Variants in KIF6 observed in about 807,000 individuals in gnomAD.
KIF6 encodes the protein kinesin-like protein KIF6.
In KIF6, 106 loss-of-function variants were observed where a neutral mutation model predicts 112.7. The observed-to-expected ratio is 0.94, with a 90% CI of 0.80 to 1.11. KIF6 has a LOEUF of 1.11. Ranked by LOEUF, KIF6 falls within the 50% of genes least tolerant of loss-of-function variation. The probability of loss-of-function intolerance (pLI) is 0.00; values close to 1 mark genes in which losing one functional copy is unlikely to be tolerated. For synonymous variants in KIF6, 339 were observed against 339.9 expected, an observed-to-expected ratio of 1.00 and a Z score of 0.03; for missense variants, 929 against 964.0, an observed-to-expected ratio of 0.96 and a Z score of 0.48.
At chr6:39,643,270 G>A (rs1035535651) in intron 3 of KIF6, among the ~76,000 whole-genome samples, 3 of 152,056 alleles carry the variant, frequency 2.0e-5, no homozygotes, top group South Asian at 2.1e-4. Flanking sequence ...ACATTTGTGC[G>A]ATTTCTATCA....
chr6:39,705,046 A>G (rs1789117041), intron 3 of KIF6, among the ~76,000 whole-genome samples: 1 of 152,200 alleles, frequency 6.6e-6, no homozygotes, highest in Non-Finnish European at 1.5e-5. Context: ...CAATTTCGGA[A>G]TTGTAAAGTC....
At chr6:39,532,575 T>C (rs1165400149) in intron 13 of KIF6, among the ~76,000 whole-genome samples, 2 of 152,220 alleles carry the variant, frequency 1.3e-5, no homozygotes, top group African/African-American at 4.8e-5. Context: ...TCCTGGGATT[T>C]TGAGTTCATT....
chr6:39,374,833 T>G (rs1200631979), intron 16 of KIF6, among the ~76,000 whole-genome samples: 1 of 152,136 alleles, frequency 6.6e-6, no homozygotes, highest in African/African-American at 2.4e-5. Flanking sequence ...AATACTAAAA[T>G]AGAACCACCA....
At chr6:39,620,337 T>C (rs911529314) in intron 5 of KIF6, 3 of 152,192 alleles carry the variant, frequency 2.0e-5, no homozygotes, top group South Asian at 2.1e-4. Flanking sequence ...TCAGATTTTA[T>C]AGTGATAGTA....
chr6:39,469,751 C>T (rs1284584015), intron 13 of KIF6, among the ~76,000 whole-genome samples: 1 of 152,088 alleles, frequency 6.6e-6, no homozygotes, highest in African/African-American at 2.4e-5. Context: ...ATCAATCCAT[C>T]AGAAAGACAC....
rs745590451 is a variant in KIF6, at chr6:39,613,297, A to T, written c.531T>A (p.Asp177Glu). Reference protein sequence around the residue: ...EDLPKVTILEDPDQNIHLKNL... With the variant: ...EDLPKVTILEEPDQNIHLKNL... The stretch of plus-strand genomic sequence containing the variant: ...TTTTCAGGTGAATGTTCTGATCAGG[A>T]TCCTCCAGTATTGTCACTTTCCTAA... Residue 177 changes from aspartate (D) to glutamate (E), a missense_variant, in exon 6 of 23, where the codon GAT (aspartate) becomes GAA (glutamate). By Grantham distance (45) the Asp-to-Glu change is conservative. This residue lies in a region of KIF6 where 688 missense variants were observed against 662.7 expected (regional missense o/e 1.04). Coordinates refer to ENST00000287152, the MANE Select transcript of KIF6 (RefSeq NM_145027.6). 1.3e-6 allele frequency: 2 copies of T among 1,594,820 alleles called. No individual in the cohort carries two copies. The highest frequency in any genetic ancestry group is 1.7e-6 in the Non-Finnish European group (2 of 1,172,010).
chr6:39,661,019 T>C (rs1025742688), intron 3 of KIF6, among the ~76,000 whole-genome samples: 7 of 152,192 alleles, frequency 4.6e-5, no homozygotes, highest in African/African-American at 1.7e-4. Flanking sequence ...AAAATCCAAA[T>C]TGGTCTTACT....
chr6:39,558,298 CAT>C (rs140261238), intron 10 of KIF6, among the ~76,000 whole-genome samples: 1,668 of 152,142 alleles, frequency 0.011, 30 homozygotes, highest in African/African-American at 0.038. Flanking sequence ...ACTATTTCTG[CAT>C]TTGTTTATCC....
intron 13 of KIF6, among the ~76,000 whole-genome samples, chr6:39,445,332 T>C (rs1168734350): frequency 2.6e-5 from 4 of 152,092 alleles, no homozygotes; most frequent in Admixed American, 2.6e-4. Context: ...ATCCAGGAGG[T>C]GATCCTTTAA....
chr6:39,521,893 C>A (rs747840406), intron 13 of KIF6, among the ~76,000 whole-genome samples: 2 of 152,166 alleles, frequency 1.3e-5, no homozygotes, highest in Non-Finnish European at 2.9e-5. Flanking sequence ...TCTTTGGCCA[C>A]CCACAAAATG....
intron 10 of KIF6, among the ~76,000 whole-genome samples, chr6:39,557,727 A>G (rs1779783931): frequency 6.6e-6 from 1 of 152,088 alleles, no homozygotes; most frequent in South Asian, 2.1e-4. Flanking sequence ...ACTTTTGTAT[A>G]GAAAGCCCAT....
chr6:39,598,883 T>C (rs908578054), intron 6 of KIF6, among the ~76,000 whole-genome samples: 1 of 152,120 alleles, frequency 6.6e-6, no homozygotes, highest in Non-Finnish European at 1.5e-5. Flanking sequence ...TATGATAGAA[T>C]TTACATAATT....
chr6:39,625,725 G>A lies in KIF6; in HGVS notation c.509+9124C>T, dbSNP rs774363735. ...TGAAGGATGCATGCCTCATCTAAAA[G>A]CACTAAGTAAAAAATTCTTAAACAC... On this transcript the variant is annotated intron_variant, in intron 5 of 22. Transcript: ENST00000287152. Among the ~76,000 whole-genome samples the A allele has an allele frequency of 2.0e-5, 3 of 152,112 alleles. No homozygotes were observed. In the South Asian group the frequency reaches 6.2e-4, roughly 31 times the overall value.
chr6:39,683,259 G>A (rs1165040564), intron 3 of KIF6, among the ~76,000 whole-genome samples: 1 of 152,198 alleles, frequency 6.6e-6, no homozygotes, highest in Non-Finnish European at 1.5e-5. Flanking sequence ...AGAGAGTGAA[G>A]GGTTAGAGGA....
At position 39,648,225 on chromosome 6, in the gene KIF6, G is replaced by GC. The variant is rs1199733431; in HGVS notation, c.252-8469_252-8468insG. ...TTTTAGTAGAGACGGGGGGCGGGCGGGGGGGGGTGCCTCACCATGTTGGCC... is the reference window on the plus strand; with the variant it reads ...TTTTAGTAGAGACGGGGGGCGGGCGGCGGGGGGGTGCCTCACCATGTTGGCC... On this transcript the variant is annotated intron_variant, in intron 3 of 22. Coordinates refer to ENST00000287152, the MANE Select transcript of KIF6 (RefSeq NM_145027.6). Among the ~76,000 whole-genome samples the GC allele has an allele frequency of 1.0e-3, 76 of 73,068 alleles. 1 individual carries two copies. Among genetic ancestry groups the GC allele is most frequent in the Non-Finnish European group, 1.3e-3 (47 of 37,014 alleles). The allele number at this position is 73,068 out of a possible 152,430, so 47.9% of individuals were successfully genotyped here.
At chr6:39,436,335 T>G (rs921928268) in intron 13 of KIF6, among the ~76,000 whole-genome samples, 1 of 152,206 alleles carries the variant, frequency 6.6e-6, no homozygotes, top group South Asian at 2.1e-4. Context: ...CTGTTGATTA[T>G]TTATTTTTCT....
At chr6:39,397,065 A>G (rs745925425) in intron 15 of KIF6, among the ~76,000 whole-genome samples, 56 of 152,216 alleles carry the variant, frequency 3.7e-4, no homozygotes, top group Non-Finnish European at 5.7e-4. Context: ...TGTCCTTGCA[A>G]TTGTCCAAAT....
intron 3 of KIF6, among the ~76,000 whole-genome samples, chr6:39,643,761 A>C (rs1002509249): frequency 6.6e-6 from 1 of 152,192 alleles, no homozygotes; most frequent in African/African-American, 2.4e-5. Flanking sequence ...GAGCTAAATT[A>C]GGCAATGTTT....
chr6:39,351,947 A>T (rs1307609346), intron 19 of KIF6, among the ~76,000 whole-genome samples: 1 of 152,186 alleles, frequency 6.6e-6, no homozygotes, highest in Non-Finnish European at 1.5e-5. Context: ...TGGAAGGTGC[A>T]GGTATACAGG....
Sources: allele counts gnomAD v4.1 joint callset (sites outside exome capture counted in the v4.1 genomes callset), GRCh38; gene constraint gnomAD v4.1.1; regional missense constraint gnomAD v4.1.1; transcripts MANE v1.5; gene names NCBI Gene and HGNC (gene_info 2026-07-23, HGNC 2026-07-21).